RASA3: variants seen among roughly 807,000 people sequenced by gnomAD.
The protein encoded by RASA3 is ras GTPase-activating protein 3.
RASA3 carries 73 observed loss-of-function variants against 110.0 expected under a neutral mutation model. The observed-to-expected ratio is 0.66, with a 90% CI of 0.55 to 0.81. The LOEUF is 0.81. RASA3 is among the 30% of genes least tolerant of loss of function. The pLI is 0.00. For synonymous variants in RASA3, 500 were observed against 451.4 expected, an observed-to-expected ratio of 1.11 and a Z score of -1.37; for missense variants, 976 against 1,113.2, an observed-to-expected ratio of 0.88 and a Z score of 1.75.
intron 1 of RASA3, among the ~76,000 whole-genome samples, chr13:114,111,694 T>C (rs2080222967): frequency 6.6e-6 from 1 of 152,274 alleles, no homozygotes; most frequent in Admixed American, 6.5e-5. Flanking sequence ...CCATGTCCAC[T>C]GATAGCCTTG....
rs1258667277 is a variant in RASA3 at position 113,979,038 on chromosome 13, G to A, written c.*309C>T. 3 of 397,472 alleles carry A rather than the reference G, an allele frequency of 7.5e-6. No individual in the cohort carries two copies. Among genetic ancestry groups the A allele is most frequent in the Middle Eastern group, 7.3e-4 (1 of 1,376 alleles). The allele number at this position is 397,472 out of a possible 1,614,324, so 24.6% of individuals were successfully genotyped here. On this transcript the variant is annotated 3_prime_UTR_variant, in exon 24 of 24. Transcript: ENST00000334062. ...GGGCCGTGGCTCCCTGAGGCTGGCT[G>A]TGGTGTGGCTAGGGCACAGCCCACA...
chr13:114,132,449 A>G lies in RASA3; in HGVS notation c.41T>C (p.Val14Ala). 6.6e-7 allele frequency: 1 copy of G among 1,526,642 alleles called. No homozygotes were observed. The allele number at this position is 1,526,642 out of a possible 1,614,324, so 94.6% of individuals were successfully genotyped here. The part of the protein sequence containing the change: ...EDEGLRVFQS[V>A]KIKIGEAKNL... ...CGGACACTCACCGATCTTGATCTTC[A>G]CGCTCTGGAAGACCCGGAGCCCCTC... Residue 14 changes from valine (V) to alanine (A), a missense_variant, in exon 1 of 24, where the codon GTG becomes GCG. Coordinates refer to ENST00000334062, the MANE Select transcript of RASA3 (RefSeq NM_007368.4).
At chr13:114,075,181 C>T (rs756806817) in intron 1 of RASA3, among the ~76,000 whole-genome samples, 2 of 152,180 alleles carry the variant, frequency 1.3e-5, no homozygotes, top group Non-Finnish European at 2.9e-5. Flanking sequence ...CAAACAAAAT[C>T]AAAAACGGGA....
chr13:114,027,556 T>C, intron 6 of RASA3, 95 bp from the exon 7 acceptor site: 4 of 898,450 alleles, frequency 4.5e-6, no homozygotes, highest in Non-Finnish European at 7.0e-6. Flanking sequence ...ACAAGTCACT[T>C]ATTGGCTTTA....
At chr13:114,000,625 T>C (rs182433321) in intron 19 of RASA3, among the ~76,000 whole-genome samples, 1 of 152,240 alleles carries the variant, frequency 6.6e-6, no homozygotes, top group East Asian at 1.9e-4. Context: ...TCCCTCACTT[T>C]CCAGCAGCAG....
At chr13:114,053,247 G>A (rs1462425059) in intron 2 of RASA3, among the ~76,000 whole-genome samples, 1 of 152,236 alleles carries the variant, frequency 6.6e-6, no homozygotes, top group Non-Finnish European at 1.5e-5. Context: ...CCATGCGTGA[G>A]TCACCAGGAG....
chr13:114,111,511 C>G (rs9590449), intron 1 of RASA3, among the ~76,000 whole-genome samples: 1 of 130,468 alleles, frequency 7.7e-6, no homozygotes, highest in Non-Finnish European at 1.7e-5. Context: ...CGAGTTCTAA[C>G]GGGCTGAGCC....
chr13:114,129,185 G>A (rs955774313), intron 1 of RASA3, among the ~76,000 whole-genome samples: 2 of 152,208 alleles, frequency 1.3e-5, no homozygotes, highest in Non-Finnish European at 2.9e-5. Flanking sequence ...TCAAAGCAGC[G>A]ATCGCATAGG....
At chr13:114,046,879 T>G (rs2079061863) in intron 3 of RASA3, among the ~76,000 whole-genome samples, 4 of 152,126 alleles carry the variant, frequency 2.6e-5, no homozygotes, top group Admixed American at 2.6e-4. Flanking sequence ...GATGTCTACA[T>G]GGAAAAAACA....
At chr13:114,032,750 ACACTGACACCACGCCCCACGGCACC>A (rs2054194017) in intron 4 of RASA3, among the ~76,000 whole-genome samples, 1 of 47,734 alleles carries the variant, frequency 2.1e-5, no homozygotes, top group Non-Finnish European at 3.6e-5. Context: ...TGGCACCCCC[ACACTGACACCACGCCCCACGGCACC>A]CCCACACTGA....
At chr13:114,117,560 TGA>T (rs1221330287) in intron 1 of RASA3, among the ~76,000 whole-genome samples, 1 of 138,956 alleles carries the variant, frequency 7.2e-6, no homozygotes, top group Non-Finnish European at 1.5e-5. Flanking sequence ...AGCACGTGTG[TGA>T]GGGGTGCATG....
intron 4 of RASA3, among the ~76,000 whole-genome samples, chr13:114,038,042 C>T (rs947722154): frequency 6.6e-6 from 1 of 151,654 alleles, no homozygotes; most frequent in African/African-American, 2.4e-5. Flanking sequence ...TTGATGCCTT[C>T]CTATAGATCT....
chr13:113,981,270 C>T (rs370298062), intron 23 of RASA3, among the ~76,000 whole-genome samples: 4 of 152,186 alleles, frequency 2.6e-5, no homozygotes, highest in African/African-American at 7.2e-5. Context: ...GAGTGGGTTT[C>T]GTCCAGAGCT....
At chr13:114,040,947 AGCCCCATGGTGTCCCAG>A in intron 4 of RASA3, 36 bp downstream of exon 4, 2 of 1,560,596 alleles carry the variant, frequency 1.3e-6, no homozygotes, top group Non-Finnish European at 1.8e-6. Flanking sequence ...CCCGTCTCGA[AGCCCCATGGTGTCCCAG>A]GGCTCTGGTT....
intron 1 of RASA3, among the ~76,000 whole-genome samples, chr13:114,104,059 A>C (rs571122988): frequency 5.0e-5 from 1 of 20,094 alleles, no homozygotes; most frequent in Non-Finnish European, 9.6e-5. Flanking sequence ...CCATGCTGCC[A>C]CGGCCACGGA....
intron 4 of RASA3, among the ~76,000 whole-genome samples, chr13:114,038,257 G>A (rs1046255898): frequency 2.3e-4 from 35 of 152,240 alleles, no homozygotes; most frequent in Non-Finnish European, 3.8e-4. Context: ...ACACGCAGGC[G>A]GGAGCGGCCC....
rs369974590 is a variant in RASA3, at chr13:114,056,069, C to T, written c.174-3914G>A. Among the ~76,000 whole-genome samples the T allele has an allele frequency of 3.0e-4, 45 of 152,182 alleles. No homozygotes were observed. Among genetic ancestry groups the T allele is most frequent in the Non-Finnish European group, 1.3e-4 (9 of 68,036 alleles). On this transcript the variant is annotated intron_variant, in intron 2 of 23. Transcript: ENST00000334062. This position sits in a 1 kb window ranked among gnomAD's most constrained non-coding sequence, Gnocchi z 5.7. Reference sequence around the variant, plus strand: ...CCCAGGCCTCGGGGTTCACCTGGCGCGTCACCGTTTCCCGAGAGCCCCCCG... The same window carrying T: ...CCCAGGCCTCGGGGTTCACCTGGCGTGTCACCGTTTCCCGAGAGCCCCCCG...
chr13:113,996,495 A>G, intron 21 of RASA3, 36 bp downstream of exon 21: 4 of 1,587,368 alleles, frequency 2.5e-6, no homozygotes, highest in Non-Finnish European at 3.4e-6. Flanking sequence ...CATTTCCTGC[A>G]CAGTGCACGA....
At position 114,011,974 on chromosome 13, in the gene RASA3, C is replaced by T. The variant is rs1427302631; in HGVS notation, c.1513-726G>A. Reference sequence around the variant, plus strand: ...AATCCCTCACGTCCTCTCGCCCTGGCCATCTCCTTCCAGCTCTGCCACCCG... The same window carrying T: ...AATCCCTCACGTCCTCTCGCCCTGGTCATCTCCTTCCAGCTCTGCCACCCG... On this transcript the variant is annotated intron_variant, in intron 15 of 23. Transcript: ENST00000334062. The surrounding 1 kb of genome is among the most constrained non-coding windows in gnomAD (Gnocchi z 4.8). Among the ~76,000 whole-genome samples, 2 of 151,990 alleles carry T rather than the reference C, an allele frequency of 1.3e-5. No individual in the cohort carries two copies. Among genetic ancestry groups the T allele is most frequent in the East Asian group, 3.9e-4 (2 of 5,174 alleles).
Sources: gnomAD v4.1 joint callset for allele counts (sites outside exome capture counted in the v4.1 genomes callset) on GRCh38, gnomAD v4.1.1 for gene constraint, Gnocchi (gnomAD v3.1) non-coding constraint, MANE v1.5 for transcripts, NCBI Gene and HGNC (gene_info 2026-07-23, HGNC 2026-07-21) for gene names.